TBC1D2B: variants seen among roughly 807,000 people sequenced by gnomAD.
The protein encoded by TBC1D2B is TBC1 domain family member 2B, also known as TBC1 domain family, member 2B.
Under a neutral mutation model 100.8 loss-of-function variants are expected in TBC1D2B, and 64 were observed. The ratio of observed to expected loss-of-function variants is 0.64; its 90% CI spans 0.52 to 0.78. The LOEUF (loss-of-function observed/expected upper bound fraction) is 0.78. TBC1D2B is among the 30% of genes least tolerant of loss of function. The probability of loss-of-function intolerance (pLI) is 0.00; values close to 1 mark genes in which losing one functional copy is unlikely to be tolerated. For missense variants in TBC1D2B, 1,052 were observed against 1,218.4 expected (o/e 0.86, Z 2.03); for synonymous variants, 480 against 479.7 (o/e 1.00, Z -0.01).
intron 3 of TBC1D2B, among the ~76,000 whole-genome samples, chr15:78,031,962 CCAGCATCTCT>C (rs1342297317): frequency 6.6e-6 from 1 of 152,088 alleles, no homozygotes; most frequent in African/African-American, 2.4e-5. Context: ...CAGGAGGAGC[CCAGCATCTCT>C]CTGAGATGAG....
rs1016991710 is a variant in TBC1D2B, at chr15:78,077,648, G to A, written c.5C>T (p.Pro2Leu). ...CTCCTCCGCCCGGGCTCCGGCCCCC[G>A]GCATCGCTACCGCGCGCCAACCGTA... MPGAGARAEEGG... is the reference protein window; with the variant it reads MLGAGARAEEGG... Residue 2 changes from proline to leucine, a missense_variant, in exon 1 of 13, where the codon CCG (proline) becomes CTG (leucine). Around this residue, in one of 4 missense-constraint regions of TBC1D2B, gnomAD observed 627 missense variants for 646.1 expected, o/e 0.97. Transcript: ENST00000300584. The A allele has an allele frequency of 1.1e-5, 11 of 961,720 alleles. No homozygotes were observed. Among genetic ancestry groups the A allele is most frequent in the Admixed American group, 7.9e-5 (1 of 12,732 alleles). The allele number at this position is 961,720 out of a possible 1,614,324, so 59.6% of individuals were successfully genotyped here. A position where few individuals can be genotyped will look rare whatever the true frequency, so the allele number is the denominator to read the frequency against.
intron 5 of TBC1D2B, 98 bp downstream of exon 5, chr15:78,025,161 G>T (rs753131645): frequency 2.0e-6 from 2 of 1,021,970 alleles, no homozygotes; most frequent in Non-Finnish European, 2.9e-6. Context: ...AAACAAAGCT[G>T]TCCCCAGAAA....
At chr15:78,016,854 G>C in intron 7 of TBC1D2B, 115 bp from the exon 8 acceptor site, 2 of 804,708 alleles carry the variant, frequency 2.5e-6, no homozygotes, top group Admixed American at 3.4e-5. Flanking sequence ...GTGAGCCAGA[G>C]ACAGACTGTA....
Position 78,025,132 on chromosome 15 carries a change from G to A in TBC1D2B, c.1086+127C>T, listed in dbSNP as rs77662895. On this transcript the variant is annotated intron_variant, in intron 5 of 12. Transcript: ENST00000300584. ...CGCCATGGCAATATGAAACCTCCAG[G>A]GGAAAAGCAACTCCTGGGAAACAAA... The A allele has an allele frequency of 8.9e-3, 6,765 of 758,608 alleles. 354 individuals carry two copies. In the African/African-American group the frequency reaches 0.11, roughly 12 times the overall value. 47.0% of individuals were successfully genotyped at this position (758,608 alleles called of 1,614,324 possible).
At chr15:78,022,840 T>C (rs1397422149) in intron 6 of TBC1D2B, among the ~76,000 whole-genome samples, 1 of 152,160 alleles carries the variant, frequency 6.6e-6, no homozygotes. Flanking sequence ...TGAGCCACTA[T>C]GCACAGCCAA....
chr15:77,999,605 G>A (rs1233863409), intron 12 of TBC1D2B, among the ~76,000 whole-genome samples: 1 of 152,188 alleles, frequency 6.6e-6, no homozygotes, highest in Non-Finnish European at 1.5e-5. Flanking sequence ...AGGAGGCTCC[G>A]TGTGAATGGG....
chr15:78,060,961 A>T (rs1026274774), intron 1 of TBC1D2B, among the ~76,000 whole-genome samples: 2 of 151,458 alleles, frequency 1.3e-5, no homozygotes, highest in East Asian at 3.9e-4. Flanking sequence ...TATAATAATA[A>T]TAGGCCAGGC....
rs1289276317 is a variant in TBC1D2B, at chr15:77,996,714, T to C, written c.*1446A>G. 2.6e-5 allele frequency: 4 copies of C among 152,178 alleles called. No homozygotes were observed. The highest frequency in any genetic ancestry group is 1.3e-4 in the Admixed American group (2 of 15,280). The allele number at this position is 152,178 out of a possible 1,614,324, so 9.4% of individuals were successfully genotyped here. On this transcript the variant is annotated 3_prime_UTR_variant, in exon 13 of 13. Transcript: ENST00000300584. Reference sequence around the variant, plus strand: ...TTGCCAAAAAGTTGACAGCAAAAAATAGGAAAAATACTTCTTAAAACTGCA... The same window carrying C: ...TTGCCAAAAAGTTGACAGCAAAAAACAGGAAAAATACTTCTTAAAACTGCA...
At position 78,024,182 on chromosome 15, in the gene TBC1D2B, C is replaced by G. The variant is rs772159136; in HGVS notation, c.1444G>C (p.Asp482His). 4 of 1,613,156 alleles carry G rather than the reference C, an allele frequency of 2.5e-6. No individual in the cohort carries two copies. The African/African-American group carries it at 5.3e-5, about 22-fold the overall frequency. The stretch of plus-strand genomic sequence containing the variant: ...TTCAGCCTGTCCAGTTCCAGCTGGT[C>G]CCTGGCAACAGGCACAACCGAAGGG... The part of the protein sequence containing the change: ...SSPSVVPVAR[D>H]QLELDRLKDN... The change falls in exon 6 of 13, where the codon GAC (aspartate) becomes CAC (histidine). Residue 482 changes from aspartate to histidine, a missense_variant. Asp to His is a moderately conservative substitution (Grantham distance 81, BLOSUM62 -1). Transcript: ENST00000300584.
Position 78,077,582 on chromosome 15 carries a change from G to A in TBC1D2B, c.71C>T (p.Ala24Val), listed in dbSNP as rs1444135412. Residue 24 changes from alanine to valine, a missense_variant, in exon 1 of 13, where the codon GCG becomes GTG. Ala to Val is a moderately conservative substitution (Grantham distance 64). Coordinates refer to ENST00000300584, the MANE Select transcript of TBC1D2B (RefSeq NM_144572.2). ...CCGCGCCGGACCCGCCCCGGGCTCCGCGGCCGCCCCCTGCGCCGCGCCCTC... is the reference window on the plus strand; with the variant it reads ...CCGCGCCGGACCCGCCCCGGGCTCCACGGCCGCCCCCTGCGCCGCGCCCTC... ...GGEGAAQGAA[A>V]EPGAGPAREP... is the part of the protein sequence containing the mutation. 2 of 1,339,702 alleles carry A rather than the reference G, an allele frequency of 1.5e-6. No homozygotes were observed. Among genetic ancestry groups the A allele is most frequent in the African/African-American group, 3.1e-5 (2 of 64,840 alleles). 83.0% of individuals were successfully genotyped at this position (1,339,702 alleles called of 1,614,324 possible). A position where few individuals can be genotyped will look rare whatever the true frequency, so the allele number is the denominator to read the frequency against.
In TBC1D2B at chr15:78,030,119, C is replaced by T; in HGVS notation, c.735G>A (p.Arg245=). 6 of 1,613,816 alleles carry T rather than the reference C, an allele frequency of 3.7e-6. No homozygotes were observed. The highest frequency in any genetic ancestry group is 5.1e-6 in the Non-Finnish European group (6 of 1,179,766). ...ACTCTTCATTGGTATAAAACACAGT[C>T]CTCCGACTATCATTATGTCCTCTCC... ...RPGRGHNDSR[R]TVFYTNEEWE... is the part of the protein sequence containing the mutation. Residue 245 remains arginine, a synonymous_variant, in exon 4 of 13, where the codon AGG becomes AGA. Coordinates refer to ENST00000300584, the MANE Select transcript of TBC1D2B (RefSeq NM_144572.2).
In TBC1D2B at chr15:78,006,367, T is replaced by C. The variant is rs372014175; in HGVS notation, c.2388+2630A>G. On this transcript the variant is annotated intron_variant, in intron 10 of 12. Transcript: ENST00000300584. ...TGCTGCCTCTTCCTGTTGCTGTTCA[T>C]TTCCTACACACCAACGCAACAGAAC... is the stretch of plus-strand genomic sequence containing the variant. Among the ~76,000 whole-genome samples, 25 of 152,340 alleles carry C rather than the reference T, an allele frequency of 1.6e-4. No individual in the cohort carries two copies. The South Asian group carries it at 3.9e-3, about 24-fold the overall frequency.
intron 2 of TBC1D2B, among the ~76,000 whole-genome samples, chr15:78,053,105 A>G (rs1160059876): frequency 1.3e-5 from 2 of 152,240 alleles, no homozygotes; most frequent in African/African-American, 4.8e-5. Context: ...AAATTCATCT[A>G]AGAATGCCTT....
intron 4 of TBC1D2B, 55 bp from the exon 5 acceptor site, chr15:78,025,552 A>C (rs955708953): frequency 1.5e-6 from 2 of 1,337,238 alleles, no homozygotes; most frequent in African/African-American, 3.0e-5. Flanking sequence ...TTTGAGACGG[A>C]GTGTCGGTCT....
chr15:78,075,256 T>C (rs1475107724), intron 1 of TBC1D2B, among the ~76,000 whole-genome samples: 1 of 152,060 alleles, frequency 6.6e-6, no homozygotes, highest in Non-Finnish European at 1.5e-5. Context: ...CTGAGTGCAG[T>C]GGCGCGATCT....
In TBC1D2B at chr15:78,044,961, C is replaced by A; in HGVS notation, c.622G>T (p.Ala208Ser). Reference sequence around the variant, plus strand: ...TTAATGGAATTTGGATGCCCTGGGGCGGGCTGATTTGCAGCTTGTTCTCCC... The same window carrying A: ...TTAATGGAATTTGGATGCCCTGGGGAGGGCTGATTTGCAGCTTGTTCTCCC... ...LVGEQAANQP[A>S]PGHPNSINFY... is the part of the protein sequence containing the mutation. Residue 208 changes from alanine (A) to serine (S), a missense_variant, in exon 3 of 13, where the codon GCC (alanine) becomes TCC (serine). Transcript: ENST00000300584. 6.2e-7 allele frequency: 1 copy of A among 1,613,576 alleles called. No individual in the cohort carries two copies. Among genetic ancestry groups the A allele is most frequent in the Non-Finnish European group, 8.5e-7 (1 of 1,179,656 alleles).
At chr15:78,060,474 CA>C (rs33986857) in intron 1 of TBC1D2B, among the ~76,000 whole-genome samples, 35,598 of 134,400 alleles carry the variant, frequency 0.26, 4,693 homozygotes, top group East Asian at 0.35. Context: ...CACATCACTA[CA>C]AAAAAAAAAA....
rs10519181 is a variant in TBC1D2B, at chr15:77,996,633, G to C, written c.*1527C>G. The C allele has an allele frequency of 0.2, 30,288 of 152,238 alleles. 3,447 individuals carry two copies. The highest frequency in any genetic ancestry group is 0.35 in the East Asian group (1,814 of 5,184). 9.4% of individuals were successfully genotyped at this position (152,238 alleles called of 1,614,324 possible). A position where few individuals can be genotyped will look rare whatever the true frequency, so the allele number is the denominator to read the frequency against. On this transcript the variant is annotated 3_prime_UTR_variant, in exon 13 of 13. Coordinates refer to ENST00000300584, the MANE Select transcript of TBC1D2B (RefSeq NM_144572.2). ...TGAAACATTAGTGGAGTTGGTTAAA[G>C]ACACGAAGCCGGAGCTCACTCTAGC...
chr15:77,998,346 G>A lies in TBC1D2B; in HGVS notation c.2706C>T (p.Ile902=). The change falls in exon 13 of 13, where the codon ATC becomes ATT. Residue 902 remains isoleucine (I), a synonymous_variant. Coordinates refer to ENST00000300584, the MANE Select transcript of TBC1D2B (RefSeq NM_144572.2). ...TRTILDARKL[I]SISFGDLNPF... ...GGTTCAGGTCCCCAAAGGAGATACT[G>A]ATCAGCTTCCTGGCAGGACGCAGGG... The A allele has an allele frequency of 6.3e-7, 1 of 1,581,568 alleles. No homozygotes were observed. Among genetic ancestry groups the A allele is most frequent in the Non-Finnish European group, 8.6e-7 (1 of 1,164,508 alleles).
Sources: gnomAD v4.1 joint callset for allele counts (sites outside exome capture counted in the v4.1 genomes callset) on GRCh38, gnomAD v4.1.1 for gene constraint, gnomAD v4.1.1 regional missense constraint, MANE v1.5 for transcripts, NCBI Gene and HGNC (gene_info 2026-07-23, HGNC 2026-07-21) for gene names.